The following ADAMTS2 variants were observed in gnomAD, a reference collection of about 807,000 sequenced individuals.
The protein encoded by ADAMTS2 is A disintegrin and metalloproteinase with thrombospondin motifs 2.
In ADAMTS2, 50 loss-of-function variants were observed where a neutral mutation model predicts 123.0. That is an observed-to-expected ratio of 0.41 (90% CI 0.32 to 0.51). The LOEUF (loss-of-function observed/expected upper bound fraction) is 0.51, where lower values mean the gene tolerates loss of function less well. ADAMTS2 is among the 20% of genes least tolerant of loss of function. The pLI, the probability that ADAMTS2 is intolerant of heterozygous loss-of-function variation, is 0.35. For missense variants in ADAMTS2, 1,494 were observed against 1,705.2 expected (o/e 0.88, Z 2.18); for synonymous variants, 678 against 695.4 (o/e 0.98, Z 0.39).
chr5:179,217,285 C>T (rs1024025995), intron 3 of ADAMTS2, among the ~76,000 whole-genome samples: 7 of 152,122 alleles, frequency 4.6e-5, no homozygotes, highest in East Asian at 3.8e-4. Flanking sequence ...CAATTCAGAG[C>T]GACTTACATA....
intron 3 of ADAMTS2, among the ~76,000 whole-genome samples, chr5:179,258,476 C>T (rs1766127255): frequency 6.6e-6 from 1 of 152,178 alleles, no homozygotes; most frequent in African/African-American, 2.4e-5. Context: ...CCACCCCAGC[C>T]TCGGCCCCAG....
At chr5:179,329,133 C>T (rs556311349) in intron 2 of ADAMTS2, among the ~76,000 whole-genome samples, 57 of 152,132 alleles carry the variant, frequency 3.7e-4, no homozygotes, top group East Asian at 2.1e-3. Flanking sequence ...GGAGACCATC[C>T]TGGCTAACAC....
At chr5:179,134,320 G>A (rs1336378524) in intron 13 of ADAMTS2, among the ~76,000 whole-genome samples, 1 of 152,154 alleles carries the variant, frequency 6.6e-6, no homozygotes. Context: ...CCTTTCACAT[G>A]CAAGCCAGCC....
chr5:179,116,270 C>A (rs11308462), intron 21 of ADAMTS2, among the ~76,000 whole-genome samples: 22 of 111,310 alleles, frequency 2.0e-4, no homozygotes, highest in Non-Finnish European at 2.6e-4. Flanking sequence ...ACCCCCCCCC[C>A]ACCCCCCGCC....
rs562115550 is a variant in ADAMTS2 at position 179,319,614 on chromosome 5, C to T, written c.534+24153G>A. Among the ~76,000 whole-genome samples, 9 of 152,172 alleles carry T rather than the reference C, an allele frequency of 5.9e-5. No individual in the cohort carries two copies. In the South Asian group the frequency reaches 1.9e-3, roughly 32 times the overall value. Reference sequence around the variant, plus strand: ...CTTACTTTCCCAGTTCCTGCCACTACCTGAGAAGGTGTTTATTTGGCCTTT... The same window carrying T: ...CTTACTTTCCCAGTTCCTGCCACTATCTGAGAAGGTGTTTATTTGGCCTTT... On this transcript the variant is annotated intron_variant, in intron 2 of 21. Transcript: ENST00000251582.
chr5:179,279,961 C>T (rs1267658375), intron 2 of ADAMTS2, among the ~76,000 whole-genome samples: 2 of 152,238 alleles, frequency 1.3e-5, no homozygotes, highest in African/African-American at 4.8e-5. Flanking sequence ...TCATGGGATC[C>T]TCGCCAGGTG....
chr5:179,222,909 C>G (rs973972725), intron 3 of ADAMTS2, among the ~76,000 whole-genome samples: 1 of 152,218 alleles, frequency 6.6e-6, no homozygotes, highest in African/African-American at 2.4e-5. Context: ...GCACCCTCCC[C>G]AGAGCACCCA....
Position 179,210,880 on chromosome 5 carries a change from C to T in ADAMTS2, c.689-3165G>A, listed in dbSNP as rs549327474. Among the ~76,000 whole-genome samples the T allele has an allele frequency of 3.3e-5, 5 of 152,354 alleles. 1 individual carries two copies. Among genetic ancestry groups the T allele is most frequent in the East Asian group, 1.9e-4 (1 of 5,182 alleles). ...AGATTGACCCTGACCCTGTCAATCA[C>T]GAGTGCCACCTCAGTTTTTCCCACA... On this transcript the variant is annotated intron_variant, in intron 3 of 21. Transcript: ENST00000251582.
intron 12 of ADAMTS2, among the ~76,000 whole-genome samples, chr5:179,136,731 G>A (rs1293750800): frequency 6.6e-6 from 1 of 151,826 alleles, no homozygotes; most frequent in Non-Finnish European, 1.5e-5. Context: ...AGCACTTTGG[G>A]AGGCCGAGGC....
rs965633454 is a variant in ADAMTS2 at position 179,188,946 on chromosome 5, C to T, written c.892-7791G>A. Among the ~76,000 whole-genome samples, 2 of 152,142 alleles carry T rather than the reference C, an allele frequency of 1.3e-5. No individual in the cohort carries two copies. The highest frequency in any genetic ancestry group is 4.8e-5 in the African/African-American group (2 of 41,430). ...CTTCCCGGGTTTGTACTAACGACGG[C>T]AAGAGGCTGCCCCTCCCCCTCTCCT... On this transcript the variant is annotated intron_variant, in intron 4 of 21. Transcript: ENST00000251582. This position sits in a 1 kb window ranked among gnomAD's most constrained non-coding sequence, Gnocchi z 5.1.
intron 5 of ADAMTS2, among the ~76,000 whole-genome samples, chr5:179,167,243 G>A (rs944348452): frequency 1.3e-5 from 2 of 152,042 alleles, no homozygotes; most frequent in South Asian, 2.1e-4. Context: ...CCCCCGCGCG[G>A]GGCGGGCAGA....
intron 2 of ADAMTS2, among the ~76,000 whole-genome samples, chr5:179,311,458 C>T (rs981604342): frequency 6.6e-6 from 1 of 152,234 alleles, no homozygotes; most frequent in Non-Finnish European, 1.5e-5. Context: ...AACAAAGGAC[C>T]TGAACAGTGG....
rs1327309967 is a variant in ADAMTS2 at position 179,111,735 on chromosome 5, C to T, written c.*2132G>A. 6.6e-6 allele frequency: 1 copy of T among 152,296 alleles called. No homozygotes were observed. Among genetic ancestry groups the T allele is most frequent in the East Asian group, 1.9e-4 (1 of 5,196 alleles). The allele number at this position is 152,296 out of a possible 1,614,324, so 9.4% of individuals were successfully genotyped here. ...TCTGCCTAGCGTTAGTCCTGAACTT[C>T]CTCCACATCCTAGGACAGACCCAAG... On this transcript the variant is annotated 3_prime_UTR_variant, in exon 22 of 22. Transcript: ENST00000251582.
chr5:179,320,610 TC>T (rs1757142338), intron 2 of ADAMTS2, among the ~76,000 whole-genome samples: 3 of 151,988 alleles, frequency 2.0e-5, no homozygotes, highest in Non-Finnish European at 4.4e-5. Flanking sequence ...GAGCCACTGT[TC>T]CTGGCCCACC....
chr5:179,265,320 G>T (rs979307020), intron 3 of ADAMTS2, among the ~76,000 whole-genome samples: 2 of 152,230 alleles, frequency 1.3e-5, no homozygotes, highest in Admixed American at 6.5e-5. Context: ...AAACCATGTC[G>T]GGAGGGGAGA....
At chr5:179,191,885 G>A (rs560296110) in intron 4 of ADAMTS2, among the ~76,000 whole-genome samples, 31 of 152,320 alleles carry the variant, frequency 2.0e-4, no homozygotes, top group Non-Finnish European at 4.1e-4. Flanking sequence ...GCTCCAGAAG[G>A]GGGTGTGTGG....
chr5:179,226,167 A>C (rs1178481331), intron 3 of ADAMTS2, among the ~76,000 whole-genome samples: 13 of 152,030 alleles, frequency 8.6e-5, no homozygotes, highest in Admixed American at 7.9e-4. Context: ...TTGTCAGAAA[A>C]GAAAAGACAG....
chr5:179,218,915 A>G (rs542821635), intron 3 of ADAMTS2, among the ~76,000 whole-genome samples: 144 of 152,258 alleles, frequency 9.5e-4, no homozygotes, highest in African/African-American at 3.3e-3. Context: ...GTGGACACAG[A>G]AGGTCCTGGC....
intron 2 of ADAMTS2, among the ~76,000 whole-genome samples, chr5:179,295,442 C>T (rs964581261): frequency 1.3e-5 from 2 of 152,198 alleles, no homozygotes; most frequent in African/African-American, 4.8e-5. Flanking sequence ...CCTCGTCCTG[C>T]CCGCAGCTCT....
Sources: gnomAD v4.1 joint callset for allele counts (sites outside exome capture counted in the v4.1 genomes callset) on GRCh38, gnomAD v4.1.1 for gene constraint, Gnocchi (gnomAD v3.1) non-coding constraint, MANE v1.5 for transcripts, NCBI Gene and HGNC (gene_info 2026-07-23, HGNC 2026-07-21) for gene names.